Variants in ABCE1 observed in about 807,000 individuals in gnomAD.
ABCE1 encodes the protein ATP-binding cassette sub-family E member 1.
In ABCE1, 22 loss-of-function variants were observed where a neutral mutation model predicts 83.4. The observed-to-expected ratio is 0.26, with a 90% CI of 0.19 to 0.38. ABCE1 has a LOEUF of 0.38. ABCE1 is among the 10% of genes least tolerant of loss of function. The pLI is 1.00. For missense variants in ABCE1, 330 were observed against 721.9 expected, an observed-to-expected ratio of 0.46 and a Z score of 6.22; for synonymous variants, 204 against 233.7, an observed-to-expected ratio of 0.87 and a Z score of 1.16.
chr4:145,104,564 A>T (rs376302751), intron 2 of ABCE1, 49 bp downstream of exon 2: 91 of 1,245,088 alleles, frequency 7.3e-5, no homozygotes, highest in East Asian at 1.6e-4. Context: ...CCATGAAAGA[A>T]ATCAACTGGT....
intron 7 of ABCE1, 121 bp from the exon 8 acceptor site, chr4:145,110,847 T>C (rs1192844653): frequency 3.1e-6 from 2 of 635,742 alleles, no homozygotes; most frequent in Non-Finnish European, 5.4e-6. Context: ...CTCCAGTAAT[T>C]GTTATATTTA....
At chr4:145,108,325 AT>A (rs1253458141) in intron 4 of ABCE1, among the ~76,000 whole-genome samples, 1 of 152,188 alleles carries the variant, frequency 6.6e-6, no homozygotes, top group Non-Finnish European at 1.5e-5. Context: ...AAAGCTACTA[AT>A]GCCCAGGTTT....
At position 145,127,848 on chromosome 4, in the gene ABCE1, T is replaced by C. The variant is rs1359078811; in HGVS notation, c.*275T>C. The C allele has an allele frequency of 7.4e-6, 2 of 272,078 alleles. No individual in the cohort carries two copies. Among genetic ancestry groups the C allele is most frequent in the Non-Finnish European group, 1.4e-5 (2 of 147,386 alleles). The allele number at this position is 272,078 out of a possible 1,614,324, so 16.9% of individuals were successfully genotyped here. On this transcript the variant is annotated 3_prime_UTR_variant, in exon 18 of 18. Transcript: ENST00000296577. ...AAATTACTTCCAAGTTTTCATGATG[T>C]ATGGGAAGATTTTCAGTAGGTGTAT...
intron 7 of ABCE1, chr4:145,110,742 G>A (rs527695487): frequency 1.3e-5 from 7 of 542,790 alleles, no homozygotes; most frequent in East Asian, 3.1e-5. Context: ...GATTACAGGC[G>A]TGAGCCACTG....
intron 4 of ABCE1, among the ~76,000 whole-genome samples, chr4:145,108,432 G>T (rs1015858408): frequency 6.6e-6 from 1 of 152,126 alleles, no homozygotes; most frequent in South Asian, 2.1e-4. Flanking sequence ...AGTCACTGTT[G>T]TTCCTAGTAC....
intron 9 of ABCE1, among the ~76,000 whole-genome samples, chr4:145,116,834 C>T (rs1749620511): frequency 6.6e-6 from 1 of 151,838 alleles, no homozygotes; most frequent in African/African-American, 2.4e-5. Flanking sequence ...CATTTCATAC[C>T]TATTCCTTGT....
intron 9 of ABCE1, among the ~76,000 whole-genome samples, chr4:145,115,478 T>G (rs958393815): frequency 6.6e-6 from 1 of 151,864 alleles, no homozygotes; most frequent in South Asian, 2.1e-4. Flanking sequence ...GTAGAAAACA[T>G]TTCCTTTTAA....
At position 145,123,541 on chromosome 4, in the gene ABCE1, T is replaced by C. The variant is rs1362802316; in HGVS notation, c.1581T>C (p.Tyr527=). Residue 527 remains tyrosine, a synonymous_variant, in exon 16 of 18, where the codon TAT becomes TAC. Transcript: ENST00000296577. ...VVEHDFIMAT[Y]LADRVIVFDG... is the part of the protein sequence containing the mutation. ...AACATGACTTCATCATGGCCACCTA[T>C]CTAGCGGATCGCGTCATCGTTTTTG... The C allele has an allele frequency of 4.4e-6, 7 of 1,608,116 alleles. No individual in the cohort carries two copies. Among genetic ancestry groups the C allele is most frequent in the South Asian group, 1.1e-5 (1 of 90,944 alleles).
chr4:145,127,804 A>C lies in ABCE1; in HGVS notation c.*231A>C. Reference sequence around the variant, plus strand: ...CTTTTGTGCATAATATTCTAAAATGAAGACATTTCAAGCTATACAAATTAC... The same window carrying C: ...CTTTTGTGCATAATATTCTAAAATGCAGACATTTCAAGCTATACAAATTAC... On this transcript the variant is annotated 3_prime_UTR_variant, in exon 18 of 18. Coordinates refer to ENST00000296577, the MANE Select transcript of ABCE1 (RefSeq NM_002940.3). 2.7e-6 allele frequency: 1 copy of C among 371,660 alleles called. No individual in the cohort carries two copies. The highest frequency in any genetic ancestry group is 4.6e-5 in the South Asian group (1 of 21,668). 23.0% of individuals were successfully genotyped at this position (371,660 alleles called of 1,614,324 possible).
At chr4:145,117,538 A>C in intron 10 of ABCE1, 124 bp downstream of exon 10, 1 of 822,844 alleles carries the variant, frequency 1.2e-6, no homozygotes, top group Non-Finnish European at 1.8e-6. Context: ...AGTTCCTTGG[A>C]ATTTAATCAC....
At chr4:145,099,434 T>TAACCTA (rs1243053627) in intron 1 of ABCE1, among the ~76,000 whole-genome samples, 2 of 152,244 alleles carry the variant, frequency 1.3e-5, no homozygotes, top group African/African-American at 4.8e-5. Context: ...CTGACACTAA[T>TAACCTA]ACTTTGTTAG....
At chr4:145,108,825 A>G (rs1749383073) in intron 4 of ABCE1, among the ~76,000 whole-genome samples, 1 of 152,190 alleles carries the variant, frequency 6.6e-6, no homozygotes, top group African/African-American at 2.4e-5. Context: ...ACTGGGCCTT[A>G]TATGTAAAGA....
intron 13 of ABCE1, chr4:145,122,798 C>A (rs967233043): frequency 3.5e-5 from 14 of 402,748 alleles, no homozygotes; most frequent in Non-Finnish European, 5.8e-5. Context: ...TGGAGCAAGA[C>A]CCTGTCTCAA....
chr4:145,110,539 A>G (rs1749441667), intron 7 of ABCE1, 95 bp downstream of exon 7: 2 of 1,210,278 alleles, frequency 1.7e-6, no homozygotes, highest in African/African-American at 3.1e-5. Flanking sequence ...GCAATGATGC[A>G]ACCTCTGCTT....
chr4:145,102,709 A>G (rs1363907896), intron 1 of ABCE1, among the ~76,000 whole-genome samples: 1 of 152,188 alleles, frequency 6.6e-6, no homozygotes, highest in Non-Finnish European at 1.5e-5. Flanking sequence ...GACAGTGGAA[A>G]TATGATAGAA....
rs757143960 is a variant in ABCE1, at chr4:145,123,606, A to G, written c.1640+6A>G. ...AAGAACACAGTTGCAAACAGGTAAA[A>G]TTACTTTTTAATATGTTCAAAGTAA... On this transcript the variant is annotated splice_donor_region_variant and intron_variant, in intron 16 of 17. Transcript: ENST00000296577. The G allele has an allele frequency of 1.3e-5, 20 of 1,590,650 alleles. No homozygotes were observed. Among genetic ancestry groups the G allele is most frequent in the Non-Finnish European group, 1.7e-5 (20 of 1,160,982 alleles).
chr4:145,125,201 T>C, intron 17 of ABCE1, 100 bp downstream of exon 17: 1 of 843,862 alleles, frequency 1.2e-6, no homozygotes, highest in Non-Finnish European at 1.8e-6. Context: ...GCACAGTGGC[T>C]CACACCTGTG....
chr4:145,120,720 A>C (rs1026257029), intron 11 of ABCE1, among the ~76,000 whole-genome samples: 10 of 152,108 alleles, frequency 6.6e-5, no homozygotes, highest in Admixed American at 3.9e-4. Flanking sequence ...ATAGAAGATA[A>C]ATTTTATATA....
chr4:145,117,199 T>G (rs1478339979), intron 9 of ABCE1, 94 bp from the exon 10 acceptor site: 2 of 1,110,290 alleles, frequency 1.8e-6, no homozygotes, highest in Non-Finnish European at 2.5e-6. Context: ...GTCTTTATGC[T>G]TAAATTTTAT....
Sources: gnomAD v4.1 joint callset for allele counts (sites outside exome capture counted in the v4.1 genomes callset) on GRCh38, gnomAD v4.1.1 for gene constraint, MANE v1.5 for transcripts, NCBI Gene and HGNC (gene_info 2026-07-23, HGNC 2026-07-21) for gene names.